The following C16orf74 variants were observed in gnomAD, a reference collection of about 807,000 sequenced individuals.
C16orf74 encodes calcimembrin, also known as uncharacterized protein C16orf74.
In C16orf74, 10 loss-of-function variants were observed where a neutral mutation model predicts 6.5. The observed-to-expected ratio is 1.54, with a 90% CI of 0.95 to 2.61. The LOEUF (loss-of-function observed/expected upper bound fraction) is 2.61. C16orf74 is among the 30% of genes most tolerant of loss of function. The probability of loss-of-function intolerance (pLI) is 0.00; values close to 1 mark genes in which losing one functional copy is unlikely to be tolerated. For synonymous variants in C16orf74, 60 were observed against 42.5 expected (o/e 1.41, Z -1.60); for missense variants, 141 against 105.9 (o/e 1.33, Z -1.45).
chr16:85,740,937 G>A (rs930694520), intron 1 of C16orf74, among the ~76,000 whole-genome samples: 1 of 151,750 alleles, frequency 6.6e-6, no homozygotes, highest in African/African-American at 2.4e-5. Context: ...ATAGTGATAC[G>A]CATGAATACG....
At chr16:85,750,547 C>G (rs940171599) in intron 1 of C16orf74, among the ~76,000 whole-genome samples, 1 of 152,238 alleles carries the variant, frequency 6.6e-6, no homozygotes, top group East Asian at 1.9e-4. Context: ...GCCTCCTGCC[C>G]CCGCCCCCCG....
At chr16:85,730,818 C>G (rs571478583) in intron 2 of C16orf74, among the ~76,000 whole-genome samples, 1 of 135,822 alleles carries the variant, frequency 7.4e-6, no homozygotes, top group Non-Finnish European at 1.6e-5. Flanking sequence ...CTCCCCCATA[C>G]GAGACAACCC....
At chr16:85,738,212 G>A (rs921742056) in intron 1 of C16orf74, among the ~76,000 whole-genome samples, 3 of 151,836 alleles carry the variant, frequency 2.0e-5, no homozygotes, top group Non-Finnish European at 2.9e-5. Context: ...GCCACTTCAC[G>A]CCAGCCTGGG....
At chr16:85,734,274 C>A (rs1179662950) in intron 2 of C16orf74, among the ~76,000 whole-genome samples, 1 of 152,204 alleles carries the variant, frequency 6.6e-6, no homozygotes, top group Non-Finnish European at 1.5e-5. Flanking sequence ...TGACCTGAGA[C>A]GGGTCCGCCA....
intron 2 of C16orf74, among the ~76,000 whole-genome samples, chr16:85,724,496 C>T (rs2054113561): frequency 1.3e-5 from 2 of 152,164 alleles, no homozygotes; most frequent in African/African-American, 4.8e-5. Context: ...CCTGACACCT[C>T]AGCTTCTGTA....
intron 1 of C16orf74, among the ~76,000 whole-genome samples, chr16:85,736,459 T>G (rs957610034): frequency 1.3e-5 from 2 of 151,800 alleles, no homozygotes; most frequent in African/African-American, 2.4e-5. Context: ...GAGGTGAATG[T>G]GAAGATGGCA....
chr16:85,744,568 T>A (rs74376566), intron 1 of C16orf74, among the ~76,000 whole-genome samples: 3 of 152,210 alleles, frequency 2.0e-5, no homozygotes, highest in East Asian at 3.9e-4. Flanking sequence ...CGGTGGCTCA[T>A]GCCTGAAATC....
At chr16:85,732,665 C>CAA (rs66539936) in intron 2 of C16orf74, among the ~76,000 whole-genome samples, 789 of 43,928 alleles carry the variant, frequency 0.018, 58 homozygotes, top group African/African-American at 0.044. Flanking sequence ...GACTCTGTCT[C>CAA]AAAAAAAAAA....
intron 2 of C16orf74, among the ~76,000 whole-genome samples, chr16:85,729,384 C>A (rs906671174): frequency 6.6e-6 from 1 of 152,232 alleles, no homozygotes; most frequent in South Asian, 2.1e-4. Flanking sequence ...GACTCTGCAG[C>A]CCCTTTCCTT....
chr16:85,747,835 C>G (rs1395843674), intron 1 of C16orf74, among the ~76,000 whole-genome samples: 1 of 152,032 alleles, frequency 6.6e-6, no homozygotes, highest in African/African-American at 2.4e-5. Flanking sequence ...TGCCTGTAAT[C>G]CCAGCACTTT....
At chr16:85,715,901 A>G (rs1414627012) in intron 2 of C16orf74, among the ~76,000 whole-genome samples, 1 of 152,230 alleles carries the variant, frequency 6.6e-6, no homozygotes, top group Non-Finnish European at 1.5e-5. Flanking sequence ...GTGTGAGGAC[A>G]TGAATGAATT....
intron 2 of C16orf74, among the ~76,000 whole-genome samples, chr16:85,713,272 T>G (rs2053987711): frequency 2.6e-5 from 4 of 151,720 alleles, no homozygotes; most frequent in Admixed American, 2.6e-4. Context: ...CTGTCCAGAC[T>G]CCCCCCTGCT....
intron 2 of C16orf74, among the ~76,000 whole-genome samples, chr16:85,731,790 G>T (rs549217530): frequency 6.6e-6 from 1 of 152,086 alleles, no homozygotes; most frequent in East Asian, 1.9e-4. Context: ...TGGGCTCAAG[G>T]GATCCTCCCA....
chr16:85,708,094 G>T, intron 3 of C16orf74, 28 bp from the exon 4 acceptor site: 1 of 1,537,008 alleles, frequency 6.5e-7, no homozygotes, highest in Non-Finnish European at 8.8e-7. Flanking sequence ...TGGACACCTG[G>T]ATGCACCCTG....
chr16:85,735,346 G>T, intron 1 of C16orf74, 111 bp from the exon 2 acceptor site: 1 of 585,672 alleles, frequency 1.7e-6, no homozygotes, highest in Non-Finnish European at 2.8e-6. Flanking sequence ...AGGAGGTTGT[G>T]GTGGAGAGAA....
At chr16:85,732,700 C>T (rs1227712176) in intron 2 of C16orf74, among the ~76,000 whole-genome samples, 2 of 144,154 alleles carry the variant, frequency 1.4e-5, no homozygotes, top group South Asian at 2.3e-4. Flanking sequence ...GAGTTCTGGC[C>T]CCCTAATCCC....
intron 1 of C16orf74, among the ~76,000 whole-genome samples, chr16:85,736,557 G>T (rs1047237875): frequency 6.6e-6 from 1 of 152,096 alleles, no homozygotes; most frequent in African/African-American, 2.4e-5. Context: ...GACATAGACC[G>T]GGGCCTTGGG....
At chr16:85,723,717 G>A (rs1342147388) in intron 2 of C16orf74, among the ~76,000 whole-genome samples, 1 of 152,250 alleles carries the variant, frequency 6.6e-6, no homozygotes, top group South Asian at 2.1e-4. Flanking sequence ...CCGGATTTGG[G>A]TTCGAGGGTG....
chr16:85,719,167 T>C (rs977031529), intron 2 of C16orf74, among the ~76,000 whole-genome samples: 4 of 152,248 alleles, frequency 2.6e-5, no homozygotes, highest in African/African-American at 9.6e-5. Context: ...GCTCTGAGCC[T>C]GGGCCAGGGA....
Sources: gnomAD v4.1 joint callset for allele counts (sites outside exome capture counted in the v4.1 genomes callset) on GRCh38, gnomAD v4.1.1 for gene constraint, MANE v1.5 for transcripts, NCBI Gene and HGNC (gene_info 2026-07-23, HGNC 2026-07-21) for gene names.